Variants in RBMS3 observed in about 807,000 individuals in gnomAD.
RBMS3 encodes the protein RNA-binding motif, single-stranded-interacting protein 3.
In RBMS3, 27 loss-of-function variants were observed where a neutral mutation model predicts 66.8. The observed-to-expected ratio is 0.40, with a 90% CI of 0.30 to 0.56. The LOEUF (loss-of-function observed/expected upper bound fraction) is 0.56, where lower values mean the gene tolerates loss of function less well. Ranked by LOEUF, RBMS3 falls within the 20% of genes least tolerant of loss-of-function variation. The probability of loss-of-function intolerance (pLI) is 0.40; values close to 1 mark genes in which losing one functional copy is unlikely to be tolerated. For missense variants in RBMS3, 513 were observed against 549.5 expected (o/e 0.93, Z 0.66); for synonymous variants, 188 against 183.0 (o/e 1.03, Z -0.22).
At chr3:29,789,678 C>T (rs896598741) in intron 6 of RBMS3, among the ~76,000 whole-genome samples, 7 of 152,084 alleles carry the variant, frequency 4.6e-5, no homozygotes, top group African/African-American at 1.4e-4. Flanking sequence ...ACCCATCATT[C>T]CTCTTCTTTT....
At chr3:29,431,942 G>A (rs1051890309) in intron 1 of RBMS3, among the ~76,000 whole-genome samples, 1 of 151,890 alleles carries the variant, frequency 6.6e-6, no homozygotes, top group Non-Finnish European at 1.5e-5. Context: ...TGTCCAGACT[G>A]GTCTCGAGCT....
intron 2 of RBMS3, among the ~76,000 whole-genome samples, chr3:29,447,926 CAG>C (rs1476067967): frequency 5.3e-5 from 8 of 152,166 alleles, no homozygotes; most frequent in Admixed American, 2.0e-4. Flanking sequence ...CATGAGTTTT[CAG>C]AGTCACCAAG....
At chr3:29,450,530 T>C (rs970416265) in intron 2 of RBMS3, among the ~76,000 whole-genome samples, 1 of 152,222 alleles carries the variant, frequency 6.6e-6, no homozygotes, top group African/African-American at 2.4e-5. Flanking sequence ...AAGTTTTACC[T>C]GGATTTTAGT....
chr3:29,918,909 GTAA>G (rs1483287512), intron 10 of RBMS3, among the ~76,000 whole-genome samples: 3 of 151,734 alleles, frequency 2.0e-5, no homozygotes, highest in Non-Finnish European at 4.4e-5. Context: ...TTCTTCTAAA[GTAA>G]TAATATTTTG....
At chr3:29,906,460 C>T (rs1054879708) in intron 10 of RBMS3, among the ~76,000 whole-genome samples, 1 of 151,346 alleles carries the variant, frequency 6.6e-6, no homozygotes, top group Non-Finnish European at 1.5e-5. Flanking sequence ...AACATTAATC[C>T]ATTCATGAGG....
intron 4 of RBMS3, among the ~76,000 whole-genome samples, chr3:29,738,924 T>G (rs1407653246): frequency 1.3e-5 from 2 of 152,160 alleles, no homozygotes; most frequent in Non-Finnish European, 2.9e-5. Flanking sequence ...GCTGTGTAAC[T>G]TGGATAAGTT....
chr3:29,372,688 G>A (rs534212800), intron 1 of RBMS3, among the ~76,000 whole-genome samples: 15 of 151,710 alleles, frequency 9.9e-5, no homozygotes, highest in South Asian at 6.3e-4. Context: ...TAAATGTCTC[G>A]GGGAGACAAA....
At chr3:29,522,355 G>A (rs1032318098) in intron 3 of RBMS3, among the ~76,000 whole-genome samples, 6 of 152,054 alleles carry the variant, frequency 3.9e-5, no homozygotes, top group Non-Finnish European at 8.8e-5. Context: ...ACCATGCCCA[G>A]CTAATTTTTT....
intron 1 of RBMS3, among the ~76,000 whole-genome samples, chr3:29,285,719 A>C (rs2032271727): frequency 6.6e-6 from 1 of 152,162 alleles, no homozygotes; most frequent in Non-Finnish European, 1.5e-5. Context: ...TTCAGGCTGA[A>C]TATTCAACCA....
rs1430324815 is a variant in RBMS3, at chr3:29,944,207, A to T, written c.1051A>T (p.Ile351Phe). Residue 351 changes from isoleucine to phenylalanine, a missense_variant and splice_region_variant, in exon 12 of 15, where the codon ATT becomes TTT. Physicochemically the swap from Ile to Phe is conservative, Grantham distance 21. Coordinates refer to ENST00000383767, the MANE Select transcript of RBMS3 (RefSeq NM_001003793.3). ...NHLSLGTTGT[I>F]QSQDRIMILH... ...TTTCTCATGCTCTTTTCATTCAAAG[A>T]TTCAATCCCAAGACAGGATTATGAT... 1.3e-6 allele frequency: 2 copies of T among 1,586,302 alleles called. No homozygotes were observed. The highest frequency in any genetic ancestry group is 1.7e-6 in the Non-Finnish European group (2 of 1,155,680).
At chr3:29,990,309 C>T (rs1286016241) in intron 13 of RBMS3, among the ~76,000 whole-genome samples, 3 of 151,902 alleles carry the variant, frequency 2.0e-5, no homozygotes, top group Non-Finnish European at 4.4e-5. Context: ...TCCAGGACTA[C>T]AAATAAAACC....
chr3:29,828,786 C>G (rs2058275595), intron 6 of RBMS3, among the ~76,000 whole-genome samples: 2 of 151,788 alleles, frequency 1.3e-5, no homozygotes, highest in African/African-American at 4.8e-5. Flanking sequence ...TTTTTTTCCA[C>G]TGTGTGTGTT....
chr3:29,363,369 A>G (rs1041878368), intron 1 of RBMS3, among the ~76,000 whole-genome samples: 7 of 152,216 alleles, frequency 4.6e-5, no homozygotes, highest in Non-Finnish European at 8.8e-5. Context: ...ACTATCTAAT[A>G]TGATACCTAC....
At chr3:29,870,294 C>T (rs1219469943) in intron 7 of RBMS3, among the ~76,000 whole-genome samples, 3 of 152,092 alleles carry the variant, frequency 2.0e-5, no homozygotes. Flanking sequence ...CTCATTATCA[C>T]ATGTCCCCTA....
chr3:29,599,493 G>A (rs902401304), intron 4 of RBMS3, among the ~76,000 whole-genome samples: 1 of 152,022 alleles, frequency 6.6e-6, no homozygotes, highest in Admixed American at 6.6e-5. Context: ...GAAGAAATAA[G>A]AATAGCTGAA....
chr3:29,828,966 G>A (rs1439992624), intron 6 of RBMS3, among the ~76,000 whole-genome samples: 1 of 151,634 alleles, frequency 6.6e-6, no homozygotes, highest in African/African-American at 2.4e-5. Flanking sequence ...CCAGCCTGCT[G>A]TTAGCGAGTG....
At chr3:29,702,463 C>G (rs114385562) in intron 4 of RBMS3, among the ~76,000 whole-genome samples, 2 of 152,202 alleles carry the variant, frequency 1.3e-5, no homozygotes, top group Non-Finnish European at 2.9e-5. Context: ...GCTGCCAGAG[C>G]TGGCAGTGGC....
intron 1 of RBMS3, among the ~76,000 whole-genome samples, chr3:29,360,616 C>T (rs1451118248): frequency 6.6e-6 from 1 of 151,936 alleles, no homozygotes; most frequent in Non-Finnish European, 1.5e-5. Context: ...AATTTTCTGT[C>T]TCATTGATCT....
chr3:29,456,782 C>T (rs2042206539), intron 2 of RBMS3, among the ~76,000 whole-genome samples: 1 of 152,084 alleles, frequency 6.6e-6, no homozygotes, highest in African/African-American at 2.4e-5. Flanking sequence ...CAAGTGTTTG[C>T]ATGTGAGGGT....
Sources: gnomAD v4.1 joint callset for allele counts (sites outside exome capture counted in the v4.1 genomes callset) on GRCh38, gnomAD v4.1.1 for gene constraint, MANE v1.5 for transcripts, NCBI Gene and HGNC (gene_info 2026-07-23, HGNC 2026-07-21) for gene names.